ARK2C: variants seen among roughly 807,000 people sequenced by gnomAD.
ARK2C encodes arkadia (RNF111) C-terminal like ring finger ubiquitin ligase 2C.
the ARK2C span, among the ~76,000 whole-genome samples, chr18:46,416,025 G>A: frequency 6.6e-6 from 1 of 152,206 alleles, no homozygotes; most frequent in Non-Finnish European, 1.5e-5. Context: ...CAGCCTTCCT[G>A]ACTTTGCTGC....
At chr18:46,443,535 C>T in the ARK2C span, among the ~76,000 whole-genome samples, 2 of 152,288 alleles carry the variant, frequency 1.3e-5, no homozygotes, top group Admixed American at 1.3e-4. Flanking sequence ...TTGCTTTAAA[C>T]CAGTGGTTGG....
At chr18:46,441,174 G>A in the ARK2C span, among the ~76,000 whole-genome samples, 1 of 151,970 alleles carries the variant, frequency 6.6e-6, no homozygotes, top group Non-Finnish European at 1.5e-5. Flanking sequence ...TTAAATTTTT[G>A]TAGAGACAGA....
chr18:46,421,243 G>A, the ARK2C span, among the ~76,000 whole-genome samples: 1 of 152,218 alleles, frequency 6.6e-6, no homozygotes, highest in Non-Finnish European at 1.5e-5. Flanking sequence ...ATCTGCTTTA[G>A]TTTTGTTTCT....
the ARK2C span, among the ~76,000 whole-genome samples, chr18:46,355,907 GTGATGATGATGA>G: frequency 4.6e-5 from 7 of 152,204 alleles, no homozygotes; most frequent in African/African-American, 1.7e-4. Flanking sequence ...GACGACAATG[GTGATGATGATGA>G]TGATGATGAT....
chr18:46,436,148 A>G, the ARK2C span, among the ~76,000 whole-genome samples: 2 of 152,190 alleles, frequency 1.3e-5, no homozygotes, highest in African/African-American at 4.8e-5. Context: ...TTGAAAACTT[A>G]AAAAGATGTG....
the ARK2C span, among the ~76,000 whole-genome samples, chr18:46,454,242 T>C: frequency 6.7e-6 from 1 of 150,346 alleles, no homozygotes; most frequent in African/African-American, 2.5e-5. Flanking sequence ...TCATGAATAA[T>C]GATGGCAAAA....
chr18:46,415,077 C>T, the ARK2C span, among the ~76,000 whole-genome samples: 7 of 152,156 alleles, frequency 4.6e-5, no homozygotes, highest in Middle Eastern at 3.2e-3. Context: ...TCAGCCTGTG[C>T]GCTGCTGCAG....
the ARK2C span, among the ~76,000 whole-genome samples, chr18:46,430,021 G>A: frequency 6.6e-6 from 1 of 152,140 alleles, no homozygotes; most frequent in Non-Finnish European, 1.5e-5. Flanking sequence ...CTCCCCTGTG[G>A]AATGGCTGCA....
chr18:46,388,176 G>A, the ARK2C span, among the ~76,000 whole-genome samples: 10 of 152,148 alleles, frequency 6.6e-5, no homozygotes, highest in African/African-American at 2.4e-4. Flanking sequence ...ATAGTAAGAT[G>A]GCATTTTCAA....
chr18:46,450,202 T>A, the ARK2C span: 1 of 791,374 alleles, frequency 1.3e-6, no homozygotes, highest in Admixed American at 1.8e-5. Context: ...CATCTCAGGG[T>A]GTACTGAGTG....
chr18:46,432,676 G>A, the ARK2C span, among the ~76,000 whole-genome samples: 1 of 152,224 alleles, frequency 6.6e-6, no homozygotes, highest in African/African-American at 2.4e-5. Flanking sequence ...ACACTTCCCC[G>A]GCCAGGCGCG....
chr18:46,406,226 G>T, the ARK2C span, among the ~76,000 whole-genome samples: 2 of 152,158 alleles, frequency 1.3e-5, no homozygotes, highest in Non-Finnish European at 2.9e-5. Context: ...AATAGCTCTT[G>T]TTGCATTGAA....
At chr18:46,432,813 C>T in the ARK2C span, among the ~76,000 whole-genome samples, 2 of 152,116 alleles carry the variant, frequency 1.3e-5, no homozygotes, top group Non-Finnish European at 2.9e-5. Flanking sequence ...GGCGCGGTGG[C>T]GGGCGCCTGT....
the ARK2C span, among the ~76,000 whole-genome samples, chr18:46,381,817 C>T: frequency 1.1e-4 from 16 of 146,936 alleles, no homozygotes; most frequent in South Asian, 4.4e-4. Flanking sequence ...GGTGACAGAG[C>T]GAGACCCTGT....
At chr18:46,395,173 C>T in the ARK2C span, among the ~76,000 whole-genome samples, 1 of 152,210 alleles carries the variant, frequency 6.6e-6, no homozygotes, top group African/African-American at 2.4e-5. Flanking sequence ...CAGTTATTTC[C>T]AGTACCACGT....
the ARK2C span, among the ~76,000 whole-genome samples, chr18:46,411,235 G>A: frequency 6.6e-6 from 1 of 152,226 alleles, no homozygotes. Context: ...TTAGCTCTTG[G>A]CATTTGCTGG....
the ARK2C span, among the ~76,000 whole-genome samples, chr18:46,338,710 A>G: frequency 6.6e-6 from 1 of 152,196 alleles, no homozygotes; most frequent in South Asian, 2.1e-4. Context: ...AATTACACCT[A>G]TTCAATTTCA....
At chr18:46,405,751 T>C in the ARK2C span, among the ~76,000 whole-genome samples, 1 of 152,052 alleles carries the variant, frequency 6.6e-6, no homozygotes, top group Non-Finnish European at 1.5e-5. Context: ...TTGAATATGA[T>C]GTCTATGTGA....
At chr18:46,391,000 A>C in the ARK2C span, among the ~76,000 whole-genome samples, 3 of 152,152 alleles carry the variant, frequency 2.0e-5, no homozygotes, top group Non-Finnish European at 2.9e-5. Context: ...CAGCAAATGA[A>C]ATGGAAATTC....
Sources: allele counts gnomAD v4.1 joint callset (sites outside exome capture counted in the v4.1 genomes callset), GRCh38; gene constraint gnomAD v4.1.1; transcripts MANE v1.5; gene names NCBI Gene and HGNC (gene_info 2026-07-23, HGNC 2026-07-21).